Variants in GUCY1A2 observed in about 807,000 individuals in gnomAD.
GUCY1A2 encodes guanylate cyclase soluble subunit alpha-2.
In GUCY1A2, 27 loss-of-function variants were observed where a neutral mutation model predicts 63.5. The ratio of observed to expected loss-of-function variants is 0.43; its 90% CI spans 0.31 to 0.59. The LOEUF (loss-of-function observed/expected upper bound fraction) is 0.59. Among genes scored for constraint, GUCY1A2 ranks in the 20% least tolerant of loss-of-function variants. The pLI is 0.11. For missense variants in GUCY1A2, 768 were observed against 913.3 expected, an observed-to-expected ratio of 0.84 and a Z score of 2.05; for synonymous variants, 364 against 343.5, an observed-to-expected ratio of 1.06 and a Z score of -0.66.
chr11:106,784,535 G>T (rs538994965), intron 5 of GUCY1A2, among the ~76,000 whole-genome samples: 2 of 152,122 alleles, frequency 1.3e-5, no homozygotes, highest in African/African-American at 2.4e-5. Flanking sequence ...ACCTCCCATA[G>T]GGAACAAAGA....
At chr11:106,863,079 G>C (rs866763700) in intron 4 of GUCY1A2, among the ~76,000 whole-genome samples, 1 of 151,976 alleles carries the variant, frequency 6.6e-6, no homozygotes, top group African/African-American at 2.4e-5. Flanking sequence ...GATTTGTATC[G>C]AGGCTAAACA....
intron 6 of GUCY1A2, among the ~76,000 whole-genome samples, chr11:106,715,073 A>C (rs1037759980): frequency 1.8e-4 from 28 of 152,294 alleles, no homozygotes; most frequent in African/African-American, 6.7e-4. Flanking sequence ...CTATCACCCA[A>C]TCTTTTATAT....
At chr11:107,014,812 A>C (rs1861797909) in intron 1 of GUCY1A2, among the ~76,000 whole-genome samples, 1 of 152,206 alleles carries the variant, frequency 6.6e-6, no homozygotes, top group Non-Finnish European at 1.5e-5. Flanking sequence ...CCTGAAGTAT[A>C]TTGTGATGGC....
chr11:107,010,959 A>G (rs978025146), intron 1 of GUCY1A2, among the ~76,000 whole-genome samples: 5 of 151,908 alleles, frequency 3.3e-5, no homozygotes, highest in African/African-American at 1.2e-4. Context: ...TGAACTCCTG[A>G]CCTCAGGCAA....
At chr11:106,851,047 C>T (rs368785769) in intron 4 of GUCY1A2, among the ~76,000 whole-genome samples, 3 of 151,680 alleles carry the variant, frequency 2.0e-5, no homozygotes, top group South Asian at 4.1e-4. Context: ...ACTGGAGTGA[C>T]ATCTCTCATT....
chr11:106,779,068 G>T (rs1864412939), intron 5 of GUCY1A2, among the ~76,000 whole-genome samples: 1 of 151,998 alleles, frequency 6.6e-6, no homozygotes, highest in Admixed American at 6.6e-5. Context: ...CTAATTTAGG[G>T]AATATTATGA....
intron 5 of GUCY1A2, among the ~76,000 whole-genome samples, chr11:106,778,461 C>T (rs375448467): frequency 5.9e-5 from 9 of 152,088 alleles, no homozygotes; most frequent in African/African-American, 2.2e-4. Context: ...AGATCAAGAC[C>T]ATCCTGGCTA....
In GUCY1A2 at chr11:106,849,536, T is replaced by A. The variant is rs893155471; in HGVS notation, c.1207-39058A>T. On this transcript the variant is annotated intron_variant, in intron 4 of 7. Coordinates refer to ENST00000526355, the MANE Select transcript of GUCY1A2 (RefSeq NM_000855.3). The stretch of plus-strand genomic sequence containing the variant: ...ATTTTGGTAAATATATTTGATTGAG[T>A]GTATTTCGAGGAATAATGTAGAAAA... Among the ~76,000 whole-genome samples the A allele has an allele frequency of 4.6e-5, 7 of 151,462 alleles. No homozygotes were observed. The East Asian group carries it at 1.4e-3, about 29-fold the overall frequency.
chr11:106,755,037 G>A (rs1305604790), intron 6 of GUCY1A2, among the ~76,000 whole-genome samples: 2 of 152,070 alleles, frequency 1.3e-5, no homozygotes, highest in Admixed American at 6.6e-5. Context: ...AACTGTTACT[G>A]GTCTGTTAAG....
chr11:106,917,163 A>G lies in GUCY1A2; in HGVS notation c.1206+22297T>C, dbSNP rs1860380119. ...CTACTTCTATTTCACATAGAGCAAGAGAAATGCCCCTCTGAGGAGTTGATA... is the reference window on the plus strand; with the variant it reads ...CTACTTCTATTTCACATAGAGCAAGGGAAATGCCCCTCTGAGGAGTTGATA... On this transcript the variant is annotated intron_variant, in intron 4 of 7. Transcript: ENST00000526355. Among the ~76,000 whole-genome samples the G allele has an allele frequency of 4.1e-5, 6 of 145,896 alleles. 1 individual carries two copies. The highest frequency in any genetic ancestry group is 4.1e-4 in the Admixed American group (6 of 14,674).
Position 106,810,129 on chromosome 11 carries a change from T to C in GUCY1A2, c.1556A>G (p.Asp519Gly), listed in dbSNP as rs888130045. 1 of 1,614,000 alleles carries C rather than the reference T, an allele frequency of 6.2e-7. No individual in the cohort carries two copies. The highest frequency in any genetic ancestry group is 8.5e-7 in the Non-Finnish European group (1 of 1,179,914). Residue 519 changes from aspartate (D) to glycine (G), a missense_variant, in exon 5 of 8, where the codon GAT (aspartate) becomes GGT (glycine). Physicochemically the swap from Asp to Gly is moderately conservative, Grantham distance 94. Coordinates refer to ENST00000526355, the MANE Select transcript of GUCY1A2 (RefSeq NM_000855.3). Reference sequence around the variant, plus strand: ...AATGTCTGAAAAGAGCATGGTGACATCATCAAACTTTCTGGCCTGTACTTG... The same window carrying C: ...AATGTCTGAAAAGAGCATGGTGACACCATCAAACTTTCTGGCCTGTACTTG... ...GQQVQARKFD[D>G]VTMLFSDIVG...
At chr11:106,803,535 C>T (rs1045341561) in intron 5 of GUCY1A2, among the ~76,000 whole-genome samples, 8 of 152,120 alleles carry the variant, frequency 5.3e-5, no homozygotes, top group Non-Finnish European at 1.0e-4. Flanking sequence ...ATACAACACA[C>T]ACACTCACAC....
chr11:106,716,681 A>T (rs756846973), intron 6 of GUCY1A2, among the ~76,000 whole-genome samples: 4 of 146,436 alleles, frequency 2.7e-5, no homozygotes, highest in Non-Finnish European at 1.5e-5. Flanking sequence ...AGGCAGGAGA[A>T]TGGCATGAAC....
chr11:106,896,695 T>C (rs1166582642), intron 4 of GUCY1A2, among the ~76,000 whole-genome samples: 1 of 152,192 alleles, frequency 6.6e-6, no homozygotes, highest in African/African-American at 2.4e-5. Flanking sequence ...GCAGCATTCT[T>C]CTCCTCTCAA....
Position 107,017,912 on chromosome 11 carries a change from G to T in GUCY1A2, c.144C>A (p.Pro48=). The T allele has an allele frequency of 7.8e-7, 1 of 1,277,260 alleles. No homozygotes were observed. Among genetic ancestry groups the T allele is most frequent in the East Asian group, 3.2e-5 (1 of 31,278 alleles). The allele number at this position is 1,277,260 out of a possible 1,614,324, so 79.1% of individuals were successfully genotyped here. A position where few individuals can be genotyped will look rare whatever the true frequency, so the allele number is the denominator to read the frequency against. Residue 48 remains proline, a synonymous_variant, in exon 1 of 8, where the codon CCC becomes CCA. Transcript: ENST00000526355. ...GSRSPPGPLE[P]SPAAAAAAAA... ...CGGCAGCGGCAGCTGCGGCCGGGCT[G>T]GGCTCCAGCGGCCCGGGCGGGCTCC... is the stretch of plus-strand genomic sequence containing the variant.
In GUCY1A2 at chr11:106,716,109, C is replaced by T. The variant is rs1181054200; in HGVS notation, c.1837-7443G>A. On this transcript the variant is annotated intron_variant, in intron 6 of 7. Transcript: ENST00000526355. ...TAAAGTGAAAATAATGTTCAAAGAT[C>T]CTAAAGCCTGAAGAGCTTTGGCACA... 2.6e-5 allele frequency among the ~76,000 whole-genome samples: 4 copies of T among 152,128 alleles called. No individual in the cohort carries two copies. In the South Asian group the frequency reaches 6.2e-4, roughly 24 times the overall value.
chr11:106,949,551 T>C (rs1860876273), intron 3 of GUCY1A2, among the ~76,000 whole-genome samples: 1 of 152,190 alleles, frequency 6.6e-6, no homozygotes, highest in African/African-American at 2.4e-5. Flanking sequence ...TCAGAATGCT[T>C]TCCTTGACAC....
intron 6 of GUCY1A2, among the ~76,000 whole-genome samples, chr11:106,713,758 G>A (rs1289578887): frequency 7.3e-5 from 11 of 151,562 alleles, no homozygotes; most frequent in Admixed American, 5.9e-4. Flanking sequence ...TGCCCTCCTC[G>A]ACCTCCCAAA....
At chr11:106,709,914 T>A (rs1409361041) in intron 6 of GUCY1A2, among the ~76,000 whole-genome samples, 1 of 138,138 alleles carries the variant, frequency 7.2e-6, no homozygotes, top group Middle Eastern at 0.011. Flanking sequence ...AATAGTTATA[T>A]ATAACATATA....
Sources: allele counts gnomAD v4.1 joint callset (sites outside exome capture counted in the v4.1 genomes callset), GRCh38; gene constraint gnomAD v4.1.1; transcripts MANE v1.5; gene names NCBI Gene and HGNC (gene_info 2026-07-23, HGNC 2026-07-21).